Variants in HERC3 observed in about 807,000 individuals in gnomAD.
The protein encoded by HERC3 is probable E3 ubiquitin-protein ligase HERC3.
A neutral mutation model predicts 129.9 loss-of-function variants in HERC3; 58 were observed. The observed-to-expected ratio is 0.45, with a 90% CI of 0.36 to 0.56. HERC3 has a LOEUF of 0.56. HERC3 is among the 20% of genes least tolerant of loss of function. The pLI is 0.00. For missense variants in HERC3, 835 were observed against 1,244.2 expected (o/e 0.67, Z 4.95); for synonymous variants, 430 against 451.0 (o/e 0.95, Z 0.59).
the HERC3 span, among the ~76,000 whole-genome samples, chr4:88,579,153 T>G: frequency 6.6e-6 from 1 of 151,224 alleles, no homozygotes; most frequent in Non-Finnish European, 1.5e-5. Context: ...GAGGCCAAGA[T>G]GGGTGGATCC....
chr4:88,684,469 A>C (rs572013277), intron 21 of HERC3, among the ~76,000 whole-genome samples: 133 of 152,344 alleles, frequency 8.7e-4, no homozygotes, highest in African/African-American at 3.2e-3. Flanking sequence ...AATTAACTCA[A>C]GATGGATTAA....
At chr4:88,587,925 A>G (rs1280722667), upstream of HERC3, among the ~76,000 whole-genome samples, 1 of 152,228 alleles carries the variant, frequency 6.6e-6, no homozygotes, top group Non-Finnish European at 1.5e-5. Flanking sequence ...AGCACATATT[A>G]AGGGACTTTT....
intron 3 of HERC3, among the ~76,000 whole-genome samples, chr4:88,609,281 TCAAAA>T (rs1055057158): frequency 1.3e-5 from 2 of 151,972 alleles, no homozygotes; most frequent in African/African-American, 2.4e-5. Flanking sequence ...AGACTCTGTC[TCAAAA>T]CAAAACAAAC....
At chr4:88,637,378 A>G (rs951069825) in intron 3 of HERC3, among the ~76,000 whole-genome samples, 44 of 152,152 alleles carry the variant, frequency 2.9e-4, no homozygotes, top group African/African-American at 1.1e-3. Flanking sequence ...GTGAGCCGAG[A>G]TCGCGCCACT....
At chr4:88,555,086 C>A in the HERC3 span, among the ~76,000 whole-genome samples, 4 of 151,932 alleles carry the variant, frequency 2.6e-5, no homozygotes, top group Admixed American at 2.0e-4. Flanking sequence ...GAGATTGAGA[C>A]CATCCTGGCC....
At chr4:88,546,769 C>G in the HERC3 span, among the ~76,000 whole-genome samples, 1 of 152,128 alleles carries the variant, frequency 6.6e-6, no homozygotes, top group Non-Finnish European at 1.5e-5. Flanking sequence ...TTTTTGTGCA[C>G]TATACAAATT....
In HERC3 at chr4:88,708,408, C is replaced by A. The variant is rs989394601; in HGVS notation, c.*1448C>A. The A allele has an allele frequency of 6.6e-6, 1 of 152,332 alleles. No individual in the cohort carries two copies. The highest frequency in any genetic ancestry group is 1.5e-5 in the Non-Finnish European group (1 of 67,976). 9.4% of individuals were successfully genotyped at this position (152,332 alleles called of 1,614,324 possible). ...TTGTTTTTAAAACTTATTCCAATTG[C>A]TAAATTGGTAGTTTTTCAGTCTTTA... On this transcript the variant is annotated 3_prime_UTR_variant, in exon 26 of 26. Coordinates refer to ENST00000402738, the MANE Select transcript of HERC3 (RefSeq NM_014606.3).
At chr4:88,561,434 C>A in the HERC3 span, among the ~76,000 whole-genome samples, 39 of 152,062 alleles carry the variant, frequency 2.6e-4, no homozygotes, top group Non-Finnish European at 5.0e-4. Flanking sequence ...TTGATACAGG[C>A]CTACAATGCA....
intron 23 of HERC3, chr4:88,692,822 G>A (rs1734212260): frequency 2.3e-6 from 2 of 864,628 alleles, no homozygotes; most frequent in Non-Finnish European, 2.8e-6. Context: ...GAGTTAGACT[G>A]CGCTCCATGG....
intron 23 of HERC3, 115 bp from the exon 24 acceptor site, chr4:88,703,983 T>C: frequency 1.0e-6 from 1 of 957,818 alleles, no homozygotes; most frequent in Non-Finnish European, 1.6e-6. Context: ...TGCCTCCTGA[T>C]TTGAGAATTT....
chr4:88,678,008 C>T lies in HERC3; in HGVS notation c.2070C>T (p.Leu690=). 1.9e-6 allele frequency: 3 copies of T among 1,613,782 alleles called. No individual in the cohort carries two copies. Among genetic ancestry groups the T allele is most frequent in the East Asian group, 2.2e-5 (1 of 44,878 alleles). Residue 690 remains leucine (L), a synonymous_variant, in exon 19 of 26, where the codon CTC becomes CTT. Transcript: ENST00000402738. ...GANLQNVFML[L]TLEPLLARSP... is the part of the protein sequence containing the mutation. ...ACCTGCAGAATGTCTTCATGCTTCT[C>T]ACCCTGGAGCCTCTGCTGGCCAGAA... is the stretch of plus-strand genomic sequence containing the variant.
chr4:88,575,449 T>C, the HERC3 span, among the ~76,000 whole-genome samples: 2 of 152,338 alleles, frequency 1.3e-5, no homozygotes, highest in African/African-American at 4.8e-5. Flanking sequence ...TGCTCTCTTT[T>C]GCTCCCCCAT....
chr4:88,659,838 A>C (rs781721497), intron 10 of HERC3, among the ~76,000 whole-genome samples: 1 of 152,178 alleles, frequency 6.6e-6, no homozygotes, highest in Non-Finnish European at 1.5e-5. Flanking sequence ...TTTCTCTTGT[A>C]AATATAGTAT....
chr4:88,672,977 T>G (rs1731775076), intron 16 of HERC3, among the ~76,000 whole-genome samples: 1 of 152,194 alleles, frequency 6.6e-6, no homozygotes, highest in South Asian at 2.1e-4. Context: ...AACACATGTG[T>G]GCAGAAGGAA....
intron 3 of HERC3, among the ~76,000 whole-genome samples, chr4:88,608,774 A>G (rs1449134730): frequency 2.0e-5 from 3 of 152,170 alleles, no homozygotes; most frequent in African/African-American, 7.2e-5. Flanking sequence ...CTAACAAGTA[A>G]TGCATTTGGA....
chr4:88,558,246 A>G, the HERC3 span, among the ~76,000 whole-genome samples: 3 of 152,188 alleles, frequency 2.0e-5, no homozygotes, highest in African/African-American at 7.2e-5. Flanking sequence ...ATGTGGAACC[A>G]ACCTAAGTGC....
chr4:88,561,322 T>C, the HERC3 span, among the ~76,000 whole-genome samples: 1 of 152,184 alleles, frequency 6.6e-6, no homozygotes, highest in Non-Finnish European at 1.5e-5. Flanking sequence ...TAATTTTATT[T>C]AATTTCTACC....
chr4:88,603,413 G>C (rs1723242735), intron 2 of HERC3, among the ~76,000 whole-genome samples: 1 of 151,940 alleles, frequency 6.6e-6, no homozygotes, highest in Non-Finnish European at 1.5e-5. Context: ...TCACCATGTT[G>C]GTCAGGCTGG....
chr4:88,673,487 C>T (rs911396594), intron 16 of HERC3, among the ~76,000 whole-genome samples: 1 of 152,114 alleles, frequency 6.6e-6, no homozygotes, highest in Non-Finnish European at 1.5e-5. Context: ...CAGTGCAGCC[C>T]CGTTTCAGGC....
Sources: allele counts gnomAD v4.1 joint callset (sites outside exome capture counted in the v4.1 genomes callset), GRCh38; gene constraint gnomAD v4.1.1; transcripts MANE v1.5; gene names NCBI Gene and HGNC (gene_info 2026-07-23, HGNC 2026-07-21).